The following ROBO1 variants were observed in gnomAD, a reference collection of about 807,000 sequenced individuals.
ROBO1 encodes the protein roundabout homolog 1.
ROBO1 carries 149 observed loss-of-function variants against 195.9 expected under a neutral mutation model. The observed-to-expected ratio is 0.76, with a 90% CI of 0.67 to 0.87. The LOEUF (loss-of-function observed/expected upper bound fraction) is 0.87. ROBO1 is among the 40% of genes least tolerant of loss of function. The pLI is 0.00. For synonymous variants in ROBO1, 816 were observed against 733.2 expected (o/e 1.11, Z -1.82); for missense variants, 1,933 against 2,068.3 (o/e 0.93, Z 1.27).
intron 2 of ROBO1, among the ~76,000 whole-genome samples, chr3:79,269,291 T>C (rs1020426937): frequency 2.6e-5 from 4 of 151,802 alleles, no homozygotes; most frequent in Non-Finnish European, 4.4e-5. Context: ...ATATTCATTT[T>C]AGTATTTCAA....
intron 2 of ROBO1, among the ~76,000 whole-genome samples, chr3:79,325,841 A>G (rs1417667054): frequency 6.6e-6 from 1 of 152,046 alleles, no homozygotes; most frequent in Non-Finnish European, 1.5e-5. Context: ...AAGAGAGATA[A>G]CCTTAAACTC....
At chr3:79,541,607 C>T (rs565049650) in intron 2 of ROBO1, among the ~76,000 whole-genome samples, 2 of 151,964 alleles carry the variant, frequency 1.3e-5, no homozygotes, top group Admixed American at 6.6e-5. Context: ...GAAAACTCCA[C>T]CATAATATTT....
Position 79,562,052 on chromosome 3 carries a change from A to G in ROBO1, c.88+27772T>C, listed in dbSNP as rs145853741. On this transcript the variant is annotated intron_variant, in intron 2 of 30. Coordinates refer to ENST00000464233, the MANE Select transcript of ROBO1 (RefSeq NM_002941.4). The stretch of plus-strand genomic sequence containing the variant: ...TCTTAAATTGTCACTCTAAAGTTTT[A>G]TACATGTGGCCTTTGTGGACTAATT... 3.5e-3 allele frequency among the ~76,000 whole-genome samples: 530 copies of G among 152,280 alleles called. 2 individuals are homozygous for G. The highest frequency in any genetic ancestry group is 0.012 in the African/African-American group (505 of 41,568).
At chr3:79,525,963 TA>T (rs1941417819) in intron 2 of ROBO1, among the ~76,000 whole-genome samples, 1 of 152,186 alleles carries the variant, frequency 6.6e-6, no homozygotes, top group South Asian at 2.1e-4. Context: ...TTTTCTCTCT[TA>T]AAGATAAGAG....
chr3:79,288,061 T>C (rs566367532), intron 2 of ROBO1, among the ~76,000 whole-genome samples: 1 of 152,256 alleles, frequency 6.6e-6, no homozygotes, highest in East Asian at 1.9e-4. Flanking sequence ...TATGACAAAC[T>C]AAAATAACCA....
intron 2 of ROBO1, among the ~76,000 whole-genome samples, chr3:79,370,399 T>C (rs1388340901): frequency 6.6e-6 from 1 of 151,978 alleles, no homozygotes; most frequent in African/African-American, 2.4e-5. Flanking sequence ...AACTTTTTCA[T>C]GTTATTCTCC....
intron 1 of ROBO1, among the ~76,000 whole-genome samples, chr3:79,649,424 T>C (rs181518999): frequency 6.6e-6 from 1 of 152,214 alleles, no homozygotes; most frequent in Non-Finnish European, 1.5e-5. Flanking sequence ...ACTTCCCATT[T>C]ATAGACTACA....
intron 1 of ROBO1, among the ~76,000 whole-genome samples, chr3:79,731,968 G>C (rs1369009597): frequency 6.6e-6 from 1 of 152,046 alleles, no homozygotes; most frequent in African/African-American, 2.4e-5. Context: ...TCTGAGAATT[G>C]AGTTATTATG....
chr3:79,037,825 C>T (rs112905227), intron 3 of ROBO1, among the ~76,000 whole-genome samples: 2,440 of 152,192 alleles, frequency 0.016, 80 homozygotes, highest in African/African-American at 0.055. Flanking sequence ...GAGTTTATTA[C>T]GAACGGGAAC....
chr3:78,607,360 G>C (rs1014787008), intron 28 of ROBO1: 1 of 251,534 alleles, frequency 4.0e-6, no homozygotes, highest in Admixed American at 5.0e-5. Flanking sequence ...CTATAGGCAT[G>C]CACCACCACA....
chr3:79,526,921 A>G (rs73851251), intron 2 of ROBO1, among the ~76,000 whole-genome samples: 1,854 of 152,284 alleles, frequency 0.012, 29 homozygotes, highest in African/African-American at 0.041. Context: ...TCTAAATGGT[A>G]ACAGAAATTT....
chr3:79,253,287 T>A (rs939694776), intron 2 of ROBO1, among the ~76,000 whole-genome samples: 1 of 152,144 alleles, frequency 6.6e-6, no homozygotes, highest in South Asian at 2.1e-4. Flanking sequence ...GATGTACCAT[T>A]AGAAGACCCC....
chr3:78,835,399 T>C (rs895178245), intron 4 of ROBO1, among the ~76,000 whole-genome samples: 1 of 152,148 alleles, frequency 6.6e-6, no homozygotes, highest in Non-Finnish European at 1.5e-5. Context: ...ACAAGACACC[T>C]GAACATTACA....
chr3:79,490,589 G>T (rs909389933), intron 2 of ROBO1, among the ~76,000 whole-genome samples: 8 of 152,204 alleles, frequency 5.3e-5, no homozygotes, highest in African/African-American at 1.9e-4. Flanking sequence ...TCGGCTTCTA[G>T]TTAAAAACCT....
At chr3:79,560,325 T>C (rs1042958810) in intron 2 of ROBO1, among the ~76,000 whole-genome samples, 7 of 129,948 alleles carry the variant, frequency 5.4e-5, no homozygotes, top group South Asian at 4.8e-4. Flanking sequence ...CAGGTGGGAA[T>C]TGAACAATTA....
intron 4 of ROBO1, among the ~76,000 whole-genome samples, chr3:78,769,436 T>C (rs2083310902): frequency 1.3e-5 from 2 of 152,088 alleles, no homozygotes. Flanking sequence ...ACCCTTTAAG[T>C]TTGTGTGAGT....
At chr3:79,145,068 T>C (rs1176543295) in intron 2 of ROBO1, among the ~76,000 whole-genome samples, 1 of 151,952 alleles carries the variant, frequency 6.6e-6, no homozygotes, top group Non-Finnish European at 1.5e-5. Context: ...TTCAAATCTT[T>C]TATGTCATTT....
chr3:78,837,331 G>T (rs1307361222), intron 4 of ROBO1, among the ~76,000 whole-genome samples: 1 of 152,090 alleles, frequency 6.6e-6, no homozygotes. Context: ...TCATGAATCT[G>T]CCTAAGAAAC....
intron 2 of ROBO1, among the ~76,000 whole-genome samples, chr3:79,261,024 C>G (rs896792997): frequency 6.6e-6 from 1 of 152,006 alleles, no homozygotes; most frequent in Non-Finnish European, 1.5e-5. Context: ...ACTGAAGTTA[C>G]CATTTTTAGT....
Sources: allele counts gnomAD v4.1 joint callset (sites outside exome capture counted in the v4.1 genomes callset), GRCh38; gene constraint gnomAD v4.1.1; transcripts MANE v1.5; gene names NCBI Gene and HGNC (gene_info 2026-07-23, HGNC 2026-07-21).